Variants in CLVS2 observed in about 807,000 individuals in gnomAD.
The protein encoded by CLVS2 is clavesin 2, also known as clavesin-2.
Under a neutral mutation model 29.0 loss-of-function variants are expected in CLVS2, and 19 were observed. That is an observed-to-expected ratio of 0.66 (90% CI 0.46 to 0.96). The LOEUF is 0.96. Ranked by LOEUF, CLVS2 falls within the 40% of genes least tolerant of loss-of-function variation. The pLI is 0.00. For synonymous variants in CLVS2, 161 were observed against 151.3 expected, an observed-to-expected ratio of 1.06 and a Z score of -0.47; for missense variants, 294 against 404.1, an observed-to-expected ratio of 0.73 and a Z score of 2.34.
intron 3 of CLVS2, among the ~76,000 whole-genome samples, chr6:123,018,562 C>A (rs1774874412): frequency 6.6e-6 from 1 of 151,610 alleles, no homozygotes; most frequent in Admixed American, 6.6e-5. Flanking sequence ...TTGCCAGAAT[C>A]TTAGAAGTGA....
At position 123,059,305 on chromosome 6, in the gene CLVS2, A is replaced by G. The variant is rs539486661; in HGVS notation, c.896+3279A>G. ...CACCCTTCTTTATTTTATTCTCTTC[A>G]TAACACTTTTAGCCTTTGAAATTGC... is the stretch of plus-strand genomic sequence containing the variant. On this transcript the variant is annotated intron_variant, in intron 5 of 5. Transcript: ENST00000275162. 5.3e-5 allele frequency among the ~76,000 whole-genome samples: 8 copies of G among 152,208 alleles called. No homozygotes were observed. The South Asian group carries it at 1.7e-3, about 32-fold the overall frequency.
chr6:123,060,431 T>C (rs1382053648), intron 5 of CLVS2, among the ~76,000 whole-genome samples: 1 of 152,206 alleles, frequency 6.6e-6, no homozygotes, highest in Non-Finnish European at 1.5e-5. Flanking sequence ...TTATTGAATA[T>C]TGAATATATT....
chr6:123,015,369 A>T (rs955063126), intron 3 of CLVS2, among the ~76,000 whole-genome samples: 2 of 152,004 alleles, frequency 1.3e-5, no homozygotes, highest in Non-Finnish European at 2.9e-5. Flanking sequence ...AAGGAAAGAG[A>T]AGTTAGATCT....
At chr6:123,013,154 A>G (rs1280997047) in intron 3 of CLVS2, among the ~76,000 whole-genome samples, 1 of 152,096 alleles carries the variant, frequency 6.6e-6, no homozygotes, top group Non-Finnish European at 1.5e-5. Context: ...TGACTTTTTA[A>G]ATCAAGTCAC....
At chr6:123,026,520 T>C (rs769628101) in intron 3 of CLVS2, among the ~76,000 whole-genome samples, 3 of 152,152 alleles carry the variant, frequency 2.0e-5, no homozygotes, top group Non-Finnish European at 4.4e-5. Flanking sequence ...TTAGGAAAAT[T>C]ATGCATTGTG....
chr6:123,003,271 A>G (rs1021135709), intron 2 of CLVS2, among the ~76,000 whole-genome samples: 2 of 152,242 alleles, frequency 1.3e-5, no homozygotes, highest in Admixed American at 6.5e-5. Context: ...AAGGTCGAGA[A>G]GCAAAGGACT....
At chr6:123,020,049 T>A (rs540498615) in intron 3 of CLVS2, among the ~76,000 whole-genome samples, 2 of 152,032 alleles carry the variant, frequency 1.3e-5, no homozygotes, top group South Asian at 4.1e-4. Flanking sequence ...TTACTCAGTC[T>A]ATCCATTCAA....
chr6:123,002,216 T>C (rs914268018), intron 2 of CLVS2, among the ~76,000 whole-genome samples: 1 of 152,202 alleles, frequency 6.6e-6, no homozygotes, highest in African/African-American at 2.4e-5. Flanking sequence ...CCACCTTGCA[T>C]GGTCTTTGGC....
intron 3 of CLVS2, among the ~76,000 whole-genome samples, chr6:123,014,262 G>C (rs1774793449): frequency 6.6e-6 from 1 of 152,104 alleles, no homozygotes; most frequent in African/African-American, 2.4e-5. Flanking sequence ...GGTTGAACTA[G>C]TTTACAGTCC....
At chr6:123,057,840 A>G (rs939384855) in intron 5 of CLVS2, among the ~76,000 whole-genome samples, 1 of 152,144 alleles carries the variant, frequency 6.6e-6, no homozygotes, top group Admixed American at 6.5e-5. Flanking sequence ...TTCTTTTAGA[A>G]CAGAACTTCT....
chr6:123,066,501 T>C lies in CLVS2; in HGVS notation c.*2740T>C, dbSNP rs1177147562. 1.3e-5 allele frequency: 2 copies of C among 151,810 alleles called. No homozygotes were observed. The highest frequency in any genetic ancestry group is 4.8e-5 in the African/African-American group (2 of 41,414). 9.4% of individuals were successfully genotyped at this position (151,810 alleles called of 1,614,324 possible). On this transcript the variant is annotated 3_prime_UTR_variant, in exon 6 of 6. Coordinates refer to ENST00000275162, the MANE Select transcript of CLVS2 (RefSeq NM_001010852.4). ...GCTTCAAAGAATTATCGCATTTGAC[T>C]TGGAATGGTCCAGTAGTCCATTTAC...
intron 2 of CLVS2, among the ~76,000 whole-genome samples, chr6:122,999,733 G>C (rs1333939977): frequency 1.3e-5 from 2 of 152,158 alleles, no homozygotes; most frequent in Non-Finnish European, 2.9e-5. Context: ...TTGAGCTATA[G>C]TGAAATGGAA....
At chr6:123,062,504 T>C (rs914579011) in intron 5 of CLVS2, among the ~76,000 whole-genome samples, 3 of 152,064 alleles carry the variant, frequency 2.0e-5, no homozygotes, top group African/African-American at 4.8e-5. Context: ...GATAGGCATC[T>C]AATGCCTATT....
rs1772858626 is a variant in CLVS2, at chr6:123,066,537, C to T, written c.*2776C>T. The T allele has an allele frequency of 6.6e-6, 1 of 151,780 alleles. No homozygotes were observed. Among genetic ancestry groups the T allele is most frequent in the African/African-American group, 2.4e-5 (1 of 41,408 alleles). The allele number at this position is 151,780 out of a possible 1,614,324, so 9.4% of individuals were successfully genotyped here. On this transcript the variant is annotated 3_prime_UTR_variant, in exon 6 of 6. Transcript: ENST00000275162. ...CAGTAGTCCATTTACTTCTTTCACC[C>T]TGCCTGTTCCATCTTCTATTTCTGA...
At chr6:122,999,555 A>T (rs1774559840) in intron 2 of CLVS2, among the ~76,000 whole-genome samples, 1 of 152,222 alleles carries the variant, frequency 6.6e-6, no homozygotes, top group African/African-American at 2.4e-5. Context: ...ATTTTAAAGA[A>T]TTACAACTTT....
At chr6:123,006,751 C>A (rs1430599108) in intron 2 of CLVS2, among the ~76,000 whole-genome samples, 1 of 152,106 alleles carries the variant, frequency 6.6e-6, no homozygotes, top group African/African-American at 2.4e-5. Flanking sequence ...GTTCAGATGG[C>A]AACTAGAAAG....
At chr6:123,000,554 C>T (rs1212872281) in intron 2 of CLVS2, among the ~76,000 whole-genome samples, 3 of 151,992 alleles carry the variant, frequency 2.0e-5, no homozygotes, top group Admixed American at 2.0e-4. Flanking sequence ...TCCTCTACCC[C>T]GAAGGCTCCT....
chr6:123,027,607 A>T (rs1281044741), intron 3 of CLVS2, among the ~76,000 whole-genome samples: 8 of 152,036 alleles, frequency 5.3e-5, no homozygotes, highest in Non-Finnish European at 8.8e-5. Context: ...TGAAAGCATG[A>T]TCTCTCTCAC....
intron 3 of CLVS2, among the ~76,000 whole-genome samples, chr6:123,044,706 C>G (rs1192207983): frequency 2.0e-5 from 3 of 152,032 alleles, no homozygotes; most frequent in Non-Finnish European, 4.4e-5. Flanking sequence ...GGGATGATTT[C>G]TAGTCTTGTC....
Sources: allele counts gnomAD v4.1 joint callset (sites outside exome capture counted in the v4.1 genomes callset), GRCh38; gene constraint gnomAD v4.1.1; transcripts MANE v1.5; gene names NCBI Gene and HGNC (gene_info 2026-07-23, HGNC 2026-07-21).